The following PTPA variants were observed in gnomAD, a reference collection of about 807,000 sequenced individuals.
The protein encoded by PTPA is protein phosphatase 2 phosphatase activator, also known as serine/threonine-protein phosphatase 2A activator.
A neutral mutation model predicts 43.6 loss-of-function variants in PTPA; 13 were observed. The observed-to-expected ratio is 0.30, with a 90% CI of 0.19 to 0.47. The LOEUF is 0.47. PTPA is among the 20% of genes least tolerant of loss of function. The pLI, the probability that PTPA is intolerant of heterozygous loss-of-function variation, is 0.99. For missense variants in PTPA, 329 were observed against 411.9 expected, an observed-to-expected ratio of 0.80 and a Z score of 1.74; for synonymous variants, 172 against 158.2, an observed-to-expected ratio of 1.09 and a Z score of -0.66.
chr9:129,131,410 A>G, intron 4 of PTPA, 112 bp from the exon 5 acceptor site: 1 of 868,914 alleles, frequency 1.2e-6, no homozygotes, highest in South Asian at 1.5e-5. Context: ...ACAGGAACCA[A>G]GCTGGCCTGG....
intron 9 of PTPA, among the ~76,000 whole-genome samples, chr9:129,144,366 G>A (rs1293992395): frequency 1.3e-5 from 2 of 152,102 alleles, no homozygotes; most frequent in Admixed American, 6.6e-5. Flanking sequence ...GGAGATTCTA[G>A]CCCTAGTTGA....
rs562222376 is a variant in PTPA, at chr9:129,145,948, C to T, written c.895-1439C>T. Among the ~76,000 whole-genome samples the T allele has an allele frequency of 3.3e-5, 5 of 152,238 alleles. No individual in the cohort carries two copies. In the South Asian group the frequency reaches 6.2e-4, roughly 19 times the overall value. ...CTCCTGCCCTGGAGCCTTAGGCTTC[C>T]TTGGCCCAGCTCCTGTGGCTCTGAG... is the stretch of plus-strand genomic sequence containing the variant. On this transcript the variant is annotated intron_variant, in intron 9 of 9. Coordinates refer to ENST00000393370, the MANE Select transcript of PTPA (RefSeq NM_178000.3).
intron 8 of PTPA, chr9:129,140,204 G>T (rs1409287115): frequency 6.6e-6 from 1 of 152,600 alleles, no homozygotes; most frequent in Admixed American, 6.5e-5. Context: ...ATTCCCCTGG[G>T]GTCACTGCGG....
At chr9:129,131,407 C>A in intron 4 of PTPA, 115 bp from the exon 5 acceptor site, 2 of 846,216 alleles carry the variant, frequency 2.4e-6, no homozygotes, top group South Asian at 1.5e-5. Flanking sequence ...AGAACAGGAA[C>A]CAAGCTGGCC....
chr9:129,145,846 A>AG (rs1491530214), intron 9 of PTPA, among the ~76,000 whole-genome samples: 2 of 152,096 alleles, frequency 1.3e-5, no homozygotes, highest in Non-Finnish European at 2.9e-5. Context: ...CTGGAAGGTC[A>AG]GGGGGCAGTC....
chr9:129,131,549 G>T lies in PTPA; in HGVS notation c.370G>T (p.Val124Phe), dbSNP rs1328114403. The T allele has an allele frequency of 6.2e-7, 1 of 1,613,802 alleles. No homozygotes were observed. Among genetic ancestry groups the T allele is most frequent in the African/African-American group, 1.3e-5 (1 of 74,930 alleles). The change falls in exon 5 of 10, where the codon GTC (valine) becomes TTC (phenylalanine). Residue 124 changes from valine (V) to phenylalanine (F), a missense_variant. Transcript: ENST00000393370. ...EEAENLVATV[V>F]PTHLAAAVPE... ...AGCAGAAAACTTGGTGGCCACAGTG[G>T]TCCCTACCCATCTGGCAGCTGCTGT... is the stretch of plus-strand genomic sequence containing the variant.
intron 3 of PTPA, among the ~76,000 whole-genome samples, chr9:129,124,716 T>C (rs1344390606): frequency 1.3e-5 from 2 of 152,090 alleles, no homozygotes; most frequent in African/African-American, 4.8e-5. Flanking sequence ...CCACCTTGAG[T>C]CTCTTATCTC....
chr9:129,110,952 T>G, upstream of PTPA: 1 of 1,360,324 alleles, frequency 7.4e-7, no homozygotes, highest in South Asian at 1.1e-5. This position sits in a 1 kb window ranked among gnomAD's most constrained non-coding sequence, Gnocchi z 5.3. Context: ...GGCGAGTCAT[T>G]GAGACCTGTG....
chr9:129,131,450 T>C lies in PTPA; in HGVS notation c.343-72T>C, dbSNP rs1849961742. 5.1e-6 allele frequency: 7 copies of C among 1,383,568 alleles called. No homozygotes were observed. In the South Asian group the frequency reaches 7.0e-5, roughly 14 times the overall value. 85.7% of individuals were successfully genotyped at this position (1,383,568 alleles called of 1,614,324 possible). A position where few individuals can be genotyped will look rare whatever the true frequency, so the allele number is the denominator to read the frequency against. On this transcript the variant is annotated intron_variant, in intron 4 of 9. Coordinates refer to ENST00000393370, the MANE Select transcript of PTPA (RefSeq NM_178000.3). ...GCAGTGTGGGCCCCCAGTCAGGTGC[T>C]GCCCCTGGGCACCTGCCCACTGGGA...
In PTPA at chr9:129,136,565, C is replaced by T; in HGVS notation, c.655C>T (p.Pro219Ser). 6.2e-7 allele frequency: 1 copy of T among 1,613,574 alleles called. No homozygotes were observed. Among genetic ancestry groups the T allele is most frequent in the Non-Finnish European group, 8.5e-7 (1 of 1,179,722 alleles). The change falls in exon 7 of 10, where the codon CCC becomes TCC. Residue 219 changes from proline to serine, a missense_variant. By Grantham distance (74) the Pro-to-Ser change is moderately conservative. Transcript: ENST00000393370. Reference protein sequence around the residue: ...VWGLDDFQFLPFIWGSSQLID... With the variant: ...VWGLDDFQFLSFIWGSSQLID... ...GGGTCTGGATGACTTCCAGTTTCTG[C>T]CCTTCATCTGGGGCAGTTCGCAGCT...
intron 5 of PTPA, 123 bp downstream of exon 5, chr9:129,131,762 C>G (rs1210531723): frequency 1.1e-6 from 1 of 936,312 alleles, no homozygotes; most frequent in Non-Finnish European, 1.7e-6. Flanking sequence ...GCACCTGCAA[C>G]CTATTGGGGC....
intron 1 of PTPA, 141 bp from the exon 2 acceptor site, chr9:129,120,372 C>T: frequency 1.7e-6 from 1 of 603,994 alleles, no homozygotes; most frequent in Non-Finnish European, 2.8e-6. Flanking sequence ...TGCATTGAGC[C>T]AAGATCGTGT....
At chr9:129,146,221 G>A (rs999333292) in intron 9 of PTPA, among the ~76,000 whole-genome samples, 2 of 152,078 alleles carry the variant, frequency 1.3e-5, no homozygotes, top group Non-Finnish European at 2.9e-5. Context: ...ACCACCTCCC[G>A]CTCCCTGCTC....
intron 3 of PTPA, among the ~76,000 whole-genome samples, chr9:129,123,695 T>A (rs906439808): frequency 6.6e-6 from 1 of 151,790 alleles, no homozygotes; most frequent in Non-Finnish European, 1.5e-5. Context: ...CTTTTTTTTT[T>A]ATTTTGAGAC....
intron 2 of PTPA, among the ~76,000 whole-genome samples, chr9:129,121,923 G>T (rs1232942777): frequency 6.6e-6 from 1 of 152,232 alleles, no homozygotes; most frequent in Non-Finnish European, 1.5e-5. Context: ...GCTGGCAGGA[G>T]GATCTTGGTA....
chr9:129,126,948 C>T (rs1849618657), intron 3 of PTPA, among the ~76,000 whole-genome samples: 1 of 152,126 alleles, frequency 6.6e-6, no homozygotes. Context: ...ACTGAGATCC[C>T]TGGGGAATCT....
chr9:129,143,684 G>C (rs1851071597), intron 9 of PTPA: 1 of 475,350 alleles, frequency 2.1e-6, no homozygotes, highest in Admixed American at 3.3e-5. Context: ...CCTTCCTCTG[G>C]ACCTCACATC....
At chr9:129,121,749 C>G (rs1254855765) in intron 2 of PTPA, among the ~76,000 whole-genome samples, 1 of 152,240 alleles carries the variant, frequency 6.6e-6, no homozygotes, top group Non-Finnish European at 1.5e-5. Flanking sequence ...CCAGATTGCT[C>G]TAGTTGAGAA....
At chr9:129,144,739 A>ATC in intron 9 of PTPA, among the ~76,000 whole-genome samples, 1 of 22,386 alleles carries the variant, frequency 4.5e-5, no homozygotes, top group Non-Finnish European at 1.6e-4. Flanking sequence ...ACTCTCTCAA[A>ATC]AAAAAAAAAA....
Sources: allele counts gnomAD v4.1 joint callset (sites outside exome capture counted in the v4.1 genomes callset), GRCh38; gene constraint gnomAD v4.1.1; non-coding constraint Gnocchi (gnomAD v3.1); transcripts MANE v1.5; gene names NCBI Gene and HGNC (gene_info 2026-07-23, HGNC 2026-07-21).